Variants in SEMA5B observed in about 807,000 individuals in gnomAD.
The protein encoded by SEMA5B is semaphorin-5B.
Under a neutral mutation model 135.0 loss-of-function variants are expected in SEMA5B, and 66 were observed. That is an observed-to-expected ratio of 0.49 (90% confidence interval 0.40 to 0.60). The LOEUF is 0.60. SEMA5B is among the 20% of genes least tolerant of loss of function. The probability of loss-of-function intolerance (pLI) is 0.00; values close to 1 mark genes in which losing one functional copy is unlikely to be tolerated. For missense variants in SEMA5B, 1,501 were observed against 1,566.3 expected, an observed-to-expected ratio of 0.96 and a Z score of 0.70; for synonymous variants, 690 against 639.5, an observed-to-expected ratio of 1.08 and a Z score of -1.19.
intron 1 of SEMA5B, among the ~76,000 whole-genome samples, chr3:122,965,720 T>C (rs973787177): frequency 1.3e-5 from 2 of 152,268 alleles, no homozygotes; most frequent in East Asian, 1.9e-4. Context: ...ATACACTCCC[T>C]ACCCTAAAAC....
intron 9 of SEMA5B, among the ~76,000 whole-genome samples, chr3:122,924,391 C>T (rs1938519194): frequency 6.6e-6 from 1 of 152,154 alleles, no homozygotes; most frequent in Admixed American, 6.5e-5. Context: ...TTTCTCTCCA[C>T]CTCTGCCTGG....
intron 1 of SEMA5B, among the ~76,000 whole-genome samples, chr3:122,998,025 C>T (rs1030884391): frequency 1.3e-5 from 2 of 152,170 alleles, no homozygotes; most frequent in African/African-American, 4.8e-5. Context: ...ATGGTGAGCT[C>T]GGTGACAGTG....
rs1205947498 is a variant in SEMA5B, at chr3:122,914,298, AGAG to A, written c.1989-300_1989-298del. On this transcript the variant is annotated intron_variant, in intron 14 of 22. Coordinates refer to ENST00000357599, the MANE Select transcript of SEMA5B (RefSeq NM_001031702.4). Reference sequence around the variant, plus strand: ...CAAGGGCCAAAAGGGCAGACTCTTTAGAGAAGAAGGCCCTAGTCCCCTTTCCAG... The same window carrying A: ...CAAGGGCCAAAAGGGCAGACTCTTTAAAGAAGGCCCTAGTCCCCTTTCCAG... Among the ~76,000 whole-genome samples, 4 of 152,236 alleles carry A rather than the reference AGAG, an allele frequency of 2.6e-5. No individual in the cohort carries two copies. The East Asian group carries it at 7.7e-4, about 29-fold the overall frequency.
chr3:123,024,877 C>T (rs1288846623), intron 1 of SEMA5B, among the ~76,000 whole-genome samples: 1 of 152,192 alleles, frequency 6.6e-6, no homozygotes, highest in Non-Finnish European at 1.5e-5. Context: ...GCTTTGAACT[C>T]CCAATTGTCC....
In SEMA5B at chr3:122,945,240, G is replaced by A. The variant is rs148866536; in HGVS notation, c.329-1705C>T. On this transcript the variant is annotated intron_variant, in intron 3 of 22. Transcript: ENST00000357599. ...GCAGCAAAATGAAGCAAACCCCTTG[G>A]GCCTGCCTTTGCCCCCAGCAGGTGA... 2.4e-4 allele frequency among the ~76,000 whole-genome samples: 37 copies of A among 152,224 alleles called. No homozygotes were observed. The East Asian group carries it at 6.6e-3, about 27-fold the overall frequency.
At chr3:122,924,631 C>A (rs1938534232) in intron 9 of SEMA5B, among the ~76,000 whole-genome samples, 1 of 152,136 alleles carries the variant, frequency 6.6e-6, no homozygotes, top group Non-Finnish European at 1.5e-5. Context: ...ACCCTCCCTG[C>A]CCTACCCCTT....
At chr3:122,968,513 G>T (rs1429013421) in intron 1 of SEMA5B, among the ~76,000 whole-genome samples, 1 of 152,168 alleles carries the variant, frequency 6.6e-6, no homozygotes, top group Non-Finnish European at 1.5e-5. Flanking sequence ...AGATTGGAAG[G>T]GTGGGAGAAG....
intron 1 of SEMA5B, among the ~76,000 whole-genome samples, chr3:122,966,138 T>C (rs1940807134): frequency 1.3e-5 from 2 of 152,140 alleles, no homozygotes; most frequent in South Asian, 4.1e-4. Context: ...CCACTTCCCA[T>C]GATGCCCCCC....
chr3:122,992,715 G>A (rs900615812), intron 1 of SEMA5B: 2 of 152,448 alleles, frequency 1.3e-5, no homozygotes, highest in African/African-American at 4.8e-5. Context: ...CAGCTTCAGA[G>A]CTGGTCCACT....
rs1172848729 is a variant in SEMA5B, at chr3:123,003,820, C to T, written c.-39+23644G>A. ...CTGCACTCCAGCCTGGGCGACAGAGCGAGACTCTTATCTCAATAAATAAAT... is the reference window on the plus strand; with the variant it reads ...CTGCACTCCAGCCTGGGCGACAGAGTGAGACTCTTATCTCAATAAATAAAT... On this transcript the variant is annotated intron_variant, in intron 1 of 22. Coordinates refer to ENST00000357599, the MANE Select transcript of SEMA5B (RefSeq NM_001031702.4). 3.4e-5 allele frequency among the ~76,000 whole-genome samples: 5 copies of T among 146,936 alleles called. No homozygotes were observed. The East Asian group carries it at 6.0e-4, about 18-fold the overall frequency.
intron 1 of SEMA5B, among the ~76,000 whole-genome samples, chr3:123,016,993 G>A (rs1043683879): frequency 5.4e-5 from 8 of 148,146 alleles, no homozygotes; most frequent in African/African-American, 1.5e-4. Flanking sequence ...CCAGGTTCAC[G>A]CCATTCTCCT....
At chr3:122,976,124 G>A in intron 1 of SEMA5B, 2 of 1,535,368 alleles carry the variant, frequency 1.3e-6, no homozygotes, top group South Asian at 1.2e-5. Context: ...GATGCAGCAT[G>A]TGGTTTATAC....
At chr3:122,939,493 C>T (rs1282217837) in intron 4 of SEMA5B, 23 bp from the exon 5 acceptor site, 30 of 1,605,130 alleles carry the variant, frequency 1.9e-5, no homozygotes, top group Non-Finnish European at 2.5e-5. Flanking sequence ...AAACAGACAT[C>T]CTAAGTGACG....
chr3:123,024,458 T>A (rs867243972), intron 1 of SEMA5B, among the ~76,000 whole-genome samples: 1 of 152,230 alleles, frequency 6.6e-6, no homozygotes, highest in African/African-American at 2.4e-5. Flanking sequence ...TTTCTCTTTT[T>A]TGTAAAAAAT....
At chr3:122,942,626 C>T (rs536860824) in intron 4 of SEMA5B, among the ~76,000 whole-genome samples, 36 of 152,270 alleles carry the variant, frequency 2.4e-4, no homozygotes, top group East Asian at 1.5e-3. Context: ...CCTCTGCTAC[C>T]GCCTGTTTAA....
intron 1 of SEMA5B, among the ~76,000 whole-genome samples, chr3:122,991,583 C>T (rs1941877775): frequency 6.6e-6 from 1 of 152,202 alleles, no homozygotes. Flanking sequence ...CAATGTGCTG[C>T]TGTTGAGAAA....
At chr3:122,918,360 A>G (rs1938180104) in intron 12 of SEMA5B, among the ~76,000 whole-genome samples, 1 of 152,218 alleles carries the variant, frequency 6.6e-6, no homozygotes, top group African/African-American at 2.4e-5. Flanking sequence ...ATCCTTTAAA[A>G]AGCGTAAGCA....
intron 12 of SEMA5B, among the ~76,000 whole-genome samples, 168 bp from the exon 13 acceptor site, chr3:122,916,058 G>A (rs2107620101): frequency 6.6e-6 from 1 of 152,320 alleles, no homozygotes; most frequent in Middle Eastern, 3.4e-3. Flanking sequence ...ATCATTTTAA[G>A]CACTTTATAA....
intron 5 of SEMA5B, among the ~76,000 whole-genome samples, chr3:122,934,593 A>G (rs1352386117): frequency 6.6e-6 from 1 of 152,222 alleles, no homozygotes; most frequent in Non-Finnish European, 1.5e-5. Context: ...ATATCAACAA[A>G]TTGCAGCATA....
Sources: gnomAD v4.1 joint callset for allele counts (sites outside exome capture counted in the v4.1 genomes callset) on GRCh38, gnomAD v4.1.1 for gene constraint, MANE v1.5 for transcripts, NCBI Gene and HGNC (gene_info 2026-07-23, HGNC 2026-07-21) for gene names.